PCNT: variants seen among roughly 807,000 people sequenced by gnomAD.
The protein encoded by PCNT is kendrin.
In PCNT, 319 loss-of-function variants were observed where a neutral mutation model predicts 380.4. The ratio of observed to expected loss-of-function variants is 0.84; its 90% confidence interval spans 0.77 to 0.92. PCNT has a LOEUF of 0.92. PCNT is among the 40% of genes least tolerant of loss of function. The probability of loss-of-function intolerance (pLI) is 0.00; values close to 1 mark genes in which losing one functional copy is unlikely to be tolerated. For missense variants in PCNT, 4,400 were observed against 4,255.3 expected (o/e 1.03, Z -0.95); for synonymous variants, 1,845 against 1,735.2 (o/e 1.06, Z -1.57).
rs772455226 is a variant in PCNT, at chr21:46,349,835, C to T, written c.1344+15C>T. The T allele has an allele frequency of 5.6e-6, 9 of 1,612,740 alleles. No homozygotes were observed. Among genetic ancestry groups the T allele is most frequent in the African/African-American group, 2.7e-5 (2 of 74,868 alleles). The stretch of plus-strand genomic sequence containing the variant: ...AACAGCTGGAGGTGGGCAGCAGCTT[C>T]GTTATTTAATTACTTGGTATATTAG... On this transcript the variant is annotated intron_variant, in intron 8 of 46. Transcript: ENST00000359568.
chr21:46,380,469 T>G (rs2085489650), intron 15 of PCNT, among the ~76,000 whole-genome samples: 1 of 151,496 alleles, frequency 6.6e-6, no homozygotes, highest in Non-Finnish European at 1.5e-5. Flanking sequence ...CAACCCTGGG[T>G]AGAATTTTTG....
At chr21:46,361,701 C>T (rs2084724417) in intron 13 of PCNT, among the ~76,000 whole-genome samples, 1 of 152,184 alleles carries the variant, frequency 6.6e-6, no homozygotes, top group Admixed American at 6.6e-5. Context: ...GCGTCATTCC[C>T]TTCAGCGTGA....
chr21:46,413,620 G>C (rs373970745), intron 29 of PCNT, among the ~76,000 whole-genome samples: 6 of 152,192 alleles, frequency 3.9e-5, no homozygotes, highest in Non-Finnish European at 5.9e-5. Flanking sequence ...AACTGTGCTC[G>C]AGGGTTAGTC....
chr21:46,421,400 C>T (rs2087243452), intron 31 of PCNT, among the ~76,000 whole-genome samples: 2 of 152,232 alleles, frequency 1.3e-5, no homozygotes, highest in Non-Finnish European at 2.9e-5. Context: ...CAAAGCGCCC[C>T]CCTCCCTGTG....
chr21:46,440,898 GA>G lies in PCNT; in HGVS notation c.9441del (p.Ala3148LeufsTer2). The stretch of plus-strand genomic sequence containing the variant: ...CATTACTTGAGAGCAGAGAGCTTTA[GA>G]AAAGCTCTGATTTATCAAAAGAAGT... The part of the protein sequence containing the change: ...YLHYLRAESF[R>X]KALIYQKKYL... On this transcript the variant is annotated frameshift_variant, in exon 43 of 47. Coordinates refer to ENST00000359568, the MANE Select transcript of PCNT (RefSeq NM_006031.6). LOFTEE classifies it high-confidence loss of function. 6.2e-7 allele frequency: 1 copy of G among 1,612,640 alleles called. No individual in the cohort carries two copies. Among genetic ancestry groups the G allele is most frequent in the Non-Finnish European group, 8.5e-7 (1 of 1,178,582 alleles).
At chr21:46,347,744 G>A (rs374259999) in intron 6 of PCNT, among the ~76,000 whole-genome samples, 1 of 152,146 alleles carries the variant, frequency 6.6e-6, no homozygotes, top group African/African-American at 2.4e-5. Context: ...GGCACTGCTC[G>A]GCCCCTCCAT....
chr21:46,418,958 G>A (rs908120766), intron 31 of PCNT, among the ~76,000 whole-genome samples: 1 of 152,228 alleles, frequency 6.6e-6, no homozygotes, highest in Non-Finnish European at 1.5e-5. Flanking sequence ...GAGATGCGGA[G>A]ACTGAGTATT....
In PCNT at chr21:46,440,970, C is replaced by T. The variant is rs1316682514; in HGVS notation, c.9509C>T (p.Thr3170Ile). ...IGGFQDSEQE[T>I]LSMIAHLGVF... The stretch of plus-strand genomic sequence containing the variant: ...GGATTCCAGGATTCTGAACAAGAAA[C>T]ACTCTCCATGATTGCCCATTTGGGG... Residue 3170 changes from threonine to isoleucine, a missense_variant, in exon 43 of 47, where the codon ACA (threonine) becomes ATA (isoleucine). Coordinates refer to ENST00000359568, the MANE Select transcript of PCNT (RefSeq NM_006031.6). The T allele has an allele frequency of 6.2e-7, 1 of 1,612,946 alleles. No homozygotes were observed. Among genetic ancestry groups the T allele is most frequent in the South Asian group, 1.1e-5 (1 of 91,046 alleles).
chr21:46,426,069 CTT>C lies in PCNT; in HGVS notation c.7320+124_7320+125del, dbSNP rs760416456. 10,234 of 281,782 alleles carry C rather than the reference CTT, an allele frequency of 0.036. 10 individuals carry two copies. Among genetic ancestry groups the C allele is most frequent in the African/African-American group, 0.13 (2,311 of 17,972 alleles). The allele number at this position is 281,782 out of a possible 1,614,324, so 17.5% of individuals were successfully genotyped here. ...GCCACGTGGACACTAGGATTTCTTT[CTT>C]TTTTTTTTTTTTTTTTTTTTTTTTT... On this transcript the variant is annotated intron_variant, in intron 33 of 46. Coordinates refer to ENST00000359568, the MANE Select transcript of PCNT (RefSeq NM_006031.6).
chr21:46,412,559 C>T (rs1245972996), intron 28 of PCNT, among the ~76,000 whole-genome samples: 1 of 152,226 alleles, frequency 6.6e-6, no homozygotes. Context: ...ACCACCCCCA[C>T]ACCAGCTGGG....
rs968974269 is a variant in PCNT at position 46,416,115 on chromosome 21, T to G, written c.6197T>G (p.Leu2066Arg). The G allele has an allele frequency of 3.7e-6, 6 of 1,614,088 alleles. No individual in the cohort carries two copies. Among genetic ancestry groups the G allele is most frequent in the Admixed American group, 1.7e-5 (1 of 60,010 alleles). The change falls in exon 30 of 47, where the codon CTC becomes CGC. Residue 2066 changes from leucine (L) to arginine (R), a missense_variant. Coordinates refer to ENST00000359568, the MANE Select transcript of PCNT (RefSeq NM_006031.6). ...LEDCQLPKVD[L>R]VAQVKQLQEK... Reference sequence around the variant, plus strand: ...GATTGTCAGCTGCCGAAGGTCGATCTCGTAGCTCAGGTGAAACAGCTTCAG... The same window carrying G: ...GATTGTCAGCTGCCGAAGGTCGATCGCGTAGCTCAGGTGAAACAGCTTCAG...
In PCNT at chr21:46,431,999, G is replaced by T. The variant is rs1365531045; in HGVS notation, c.8535G>T (p.Ser2845=). 6.2e-7 allele frequency: 1 copy of T among 1,613,798 alleles called. No individual in the cohort carries two copies. Among genetic ancestry groups the T allele is most frequent in the Non-Finnish European group, 8.5e-7 (1 of 1,180,046 alleles). Residue 2845 remains serine (S), a synonymous_variant, in exon 38 of 47, where the codon TCG becomes TCT. Coordinates refer to ENST00000359568, the MANE Select transcript of PCNT (RefSeq NM_006031.6). ...REKEVSATLK[S]TVEALHTQKR... ...AGGAGGTAAGTGCCACACTGAAGTC[G>T]ACGGTGGAAGCCCTGCACACCCAAA...
intron 38 of PCNT, among the ~76,000 whole-genome samples, chr21:46,433,823 G>A (rs1038292676): frequency 6.6e-6 from 1 of 152,066 alleles, no homozygotes; most frequent in Non-Finnish European, 1.5e-5. Flanking sequence ...CCAAGCTGGA[G>A]TGCAATGGCA....
chr21:46,445,302 C>G lies in PCNT; in HGVS notation c.9986C>G (p.Ser3329Cys), dbSNP rs1370191400. Residue 3329 changes from serine to cysteine, a missense_variant, in exon 47 of 47, where the codon TCC (serine) becomes TGC (cysteine). Ser to Cys is a moderately radical substitution (Grantham distance 112). Coordinates refer to ENST00000359568, the MANE Select transcript of PCNT (RefSeq NM_006031.6). ...GVLPDSTSKK[S>C]CHPMIKQ Reference sequence around the variant, plus strand: ...TATGCAGATTCTACTTCAAAGAAATCCTGCCACCCGATGATTAAACAGTGA... The same window carrying G: ...TATGCAGATTCTACTTCAAAGAAATGCTGCCACCCGATGATTAAACAGTGA... 2 of 1,608,798 alleles carry G rather than the reference C, an allele frequency of 1.2e-6. No homozygotes were observed. Among genetic ancestry groups the G allele is most frequent in the Non-Finnish European group, 8.5e-7 (1 of 1,175,132 alleles).
chr21:46,439,764 T>C (rs1194291692), intron 41 of PCNT, among the ~76,000 whole-genome samples: 1 of 152,222 alleles, frequency 6.6e-6, no homozygotes, highest in African/African-American at 2.4e-5. Flanking sequence ...ATGAGAGTGT[T>C]TAAGGCTTAA....
intron 27 of PCNT, among the ~76,000 whole-genome samples, chr21:46,404,915 A>G (rs1053152711): frequency 1.3e-5 from 2 of 152,152 alleles, no homozygotes; most frequent in East Asian, 1.9e-4. Flanking sequence ...AGCCTGGGCA[A>G]CAAAGCAAGA....
intron 1 of PCNT, among the ~76,000 whole-genome samples, chr21:46,324,568 G>T (rs866433377): frequency 2.0e-5 from 3 of 148,610 alleles, no homozygotes; most frequent in African/African-American, 4.9e-5. Flanking sequence ...TGCGTCGGGG[G>T]GGGTGGGGCG....
Position 46,427,673 on chromosome 21 carries a change from C to T in PCNT, c.7372C>T (p.Gln2458Ter), listed in dbSNP as rs1018270698. The change falls in exon 34 of 47, where the codon CAA becomes TAA. Residue 2458 changes from glutamine (Q) to a stop codon, truncating the protein, a stop_gained. Coordinates refer to ENST00000359568, the MANE Select transcript of PCNT (RefSeq NM_006031.6). LOFTEE classifies it high-confidence loss of function. ...GAGAGGGGACCTTCTGCAGGTTGTG[C>T]AAGAGGCCTTTGAAAAAGAGCAGGA... ...DWRGDLLQVV[Q>*]EAFEKEQEMQ... The T allele has an allele frequency of 6.2e-7, 1 of 1,613,966 alleles. No homozygotes were observed. The highest frequency in any genetic ancestry group is 8.5e-7 in the Non-Finnish European group (1 of 1,180,022).
intron 27 of PCNT, among the ~76,000 whole-genome samples, chr21:46,410,152 A>T (rs1330435306): frequency 6.6e-6 from 1 of 152,242 alleles, no homozygotes; most frequent in Non-Finnish European, 1.5e-5. Flanking sequence ...GACGGGGAGC[A>T]GAATGTGCAG....
Sources: allele counts gnomAD v4.1 joint callset (sites outside exome capture counted in the v4.1 genomes callset), GRCh38; gene constraint gnomAD v4.1.1; transcripts MANE v1.5; gene names NCBI Gene and HGNC (gene_info 2026-07-23, HGNC 2026-07-21).